Variants in PABPC4L observed in about 807,000 individuals in gnomAD.
PABPC4L encodes poly(A) binding protein cytoplasmic 4 like.
For missense variants in PABPC4L, 452 were observed against 451.4 expected, an observed-to-expected ratio of 1.00 and a Z score of -0.01; for synonymous variants, 169 against 164.1, an observed-to-expected ratio of 1.03 and a Z score of -0.23.
chr4:134,104,351 C>T, the PABPC4L span, among the ~76,000 whole-genome samples: 1 of 151,676 alleles, frequency 6.6e-6, no homozygotes, highest in African/African-American at 2.4e-5. Flanking sequence ...CCTTGGCAGT[C>T]ATCTAGGTGT....
At chr4:134,191,742 A>G (rs1729516950), downstream of PABPC4L, among the ~76,000 whole-genome samples, 1 of 152,084 alleles carries the variant, frequency 6.6e-6, no homozygotes, top group African/African-American at 2.4e-5. Flanking sequence ...GCTGAAGGGC[A>G]TGTATAGCTG....
the PABPC4L span, among the ~76,000 whole-genome samples, chr4:134,108,080 A>G: frequency 6.6e-6 from 1 of 151,610 alleles, no homozygotes; most frequent in Non-Finnish European, 1.5e-5. Context: ...ATAATAATTT[A>G]ATTATATTCA....
the PABPC4L span, among the ~76,000 whole-genome samples, chr4:134,051,734 T>C: frequency 6.6e-6 from 1 of 152,134 alleles, no homozygotes; most frequent in Non-Finnish European, 1.5e-5. Context: ...GCCACTATGC[T>C]TTAGAGTTTC....
chr4:134,121,877 A>G, the PABPC4L span, among the ~76,000 whole-genome samples: 1 of 151,844 alleles, frequency 6.6e-6, no homozygotes, highest in Non-Finnish European at 1.5e-5. Flanking sequence ...TTAGGATCAA[A>G]GCACTGTGTA....
At chr4:134,130,714 A>T in the PABPC4L span, among the ~76,000 whole-genome samples, 1 of 152,114 alleles carries the variant, frequency 6.6e-6, no homozygotes, top group East Asian at 1.9e-4. Flanking sequence ...AGAAAAGGAC[A>T]TAAAAAAAAC....
At chr4:133,996,458 C>T in the PABPC4L span, among the ~76,000 whole-genome samples, 1 of 152,114 alleles carries the variant, frequency 6.6e-6, no homozygotes, top group Non-Finnish European at 1.5e-5. Context: ...GCAGCTGTTT[C>T]AGTACTTTTA....
At chr4:134,074,677 A>C in the PABPC4L span, among the ~76,000 whole-genome samples, 1 of 152,206 alleles carries the variant, frequency 6.6e-6, no homozygotes, top group South Asian at 2.1e-4. Context: ...AGAGATTCAC[A>C]GTTCTGCAGG....
chr4:133,981,803 CTT>C, the PABPC4L span, among the ~76,000 whole-genome samples: 1 of 151,844 alleles, frequency 6.6e-6, no homozygotes, highest in African/African-American at 2.4e-5. Context: ...TTCTGGAACT[CTT>C]TATTAGTTTC....
At chr4:134,000,033 C>A in the PABPC4L span, among the ~76,000 whole-genome samples, 4 of 151,950 alleles carry the variant, frequency 2.6e-5, no homozygotes, top group East Asian at 7.7e-4. Flanking sequence ...GCACACAGAT[C>A]AATGATGCAC....
At chr4:133,971,389 G>T in the PABPC4L span, among the ~76,000 whole-genome samples, 1 of 152,012 alleles carries the variant, frequency 6.6e-6, no homozygotes, top group Non-Finnish European at 1.5e-5. Flanking sequence ...GGGATTATAG[G>T]CGTGAGCCAC....
At chr4:134,086,656 C>T in the PABPC4L span, among the ~76,000 whole-genome samples, 6 of 151,976 alleles carry the variant, frequency 3.9e-5, no homozygotes, top group South Asian at 2.1e-4. Flanking sequence ...CCCGCTCCAC[C>T]GTCACAGGGA....
At chr4:134,098,082 A>G in the PABPC4L span, among the ~76,000 whole-genome samples, 1 of 151,842 alleles carries the variant, frequency 6.6e-6, no homozygotes, top group Non-Finnish European at 1.5e-5. Flanking sequence ...TGAGGCTGTT[A>G]ATACTTATAG....
At chr4:134,023,945 A>T in the PABPC4L span, among the ~76,000 whole-genome samples, 2 of 152,176 alleles carry the variant, frequency 1.3e-5, no homozygotes, top group East Asian at 3.8e-4. Context: ...TCTAAAAATC[A>T]CATACACTTT....
At chr4:134,129,916 T>A in the PABPC4L span, among the ~76,000 whole-genome samples, 1 of 151,598 alleles carries the variant, frequency 6.6e-6, no homozygotes, top group Non-Finnish European at 1.5e-5. Flanking sequence ...AAAAATACAA[T>A]TAGCCAGGCG....
chr4:134,183,254 C>G, the PABPC4L span, among the ~76,000 whole-genome samples: 1 of 151,870 alleles, frequency 6.6e-6, no homozygotes, highest in Non-Finnish European at 1.5e-5. Context: ...GGTACCTATA[C>G]ACAATGGAAT....
At chr4:134,171,127 C>A in the PABPC4L span, among the ~76,000 whole-genome samples, 4 of 152,140 alleles carry the variant, frequency 2.6e-5, no homozygotes, top group African/African-American at 9.6e-5. Context: ...TTTTTGGCCA[C>A]TTGTATGCAC....
chr4:133,984,292 T>C, the PABPC4L span, among the ~76,000 whole-genome samples: 1 of 151,870 alleles, frequency 6.6e-6, no homozygotes, highest in Non-Finnish European at 1.5e-5. Context: ...TTTTACAGTA[T>C]TGGAAGAGAG....
chr4:133,985,825 A>C, the PABPC4L span, among the ~76,000 whole-genome samples: 1 of 152,110 alleles, frequency 6.6e-6, no homozygotes. Context: ...GAAACCAAAT[A>C]ATTTCTTATC....
the PABPC4L span, among the ~76,000 whole-genome samples, chr4:134,119,180 C>A: frequency 2.6e-5 from 4 of 151,286 alleles, no homozygotes; most frequent in Non-Finnish European, 5.9e-5. Context: ...AGTCTTAAAG[C>A]AAGAGGAGAA....
Sources: gnomAD v4.1 joint callset for allele counts (sites outside exome capture counted in the v4.1 genomes callset) on GRCh38, gnomAD v4.1.1 for gene constraint, MANE v1.5 for transcripts, NCBI Gene and HGNC (gene_info 2026-07-23, HGNC 2026-07-21) for gene names.